Variants in TANC2 observed in about 807,000 individuals in gnomAD.
TANC2 encodes protein TANC2.
TANC2 carries 26 observed loss-of-function variants against 210.5 expected under a neutral mutation model. That is an observed-to-expected ratio of 0.12 (90% CI 0.09 to 0.17). The LOEUF (loss-of-function observed/expected upper bound fraction) is 0.17. Among genes scored for constraint, TANC2 ranks in the 10% least tolerant of loss-of-function variants. TANC2 has a pLI of 1.00. For missense variants in TANC2, 2,129 were observed against 2,608.9 expected, an observed-to-expected ratio of 0.82 and a Z score of 4.01; for synonymous variants, 931 against 967.1, an observed-to-expected ratio of 0.96 and a Z score of 0.69.
At chr17:63,362,465 G>C (rs1342318811) in intron 14 of TANC2, among the ~76,000 whole-genome samples, 1 of 152,186 alleles carries the variant, frequency 6.6e-6, no homozygotes, top group Non-Finnish European at 1.5e-5. Context: ...GAGCCTGTCT[G>C]CCTCCTGCCA....
chr17:63,400,791 GCAC>G (rs1343803893), intron 19 of TANC2, among the ~76,000 whole-genome samples: 1 of 151,098 alleles, frequency 6.6e-6, no homozygotes, highest in East Asian at 1.9e-4. Context: ...TTACAGGCGT[GCAC>G]CACCACACCT....
chr17:63,162,304 A>G (rs1250659425), intron 5 of TANC2, among the ~76,000 whole-genome samples: 4 of 68,248 alleles, frequency 5.9e-5, no homozygotes, highest in Admixed American at 1.4e-4. Context: ...CCCTGTCTGG[A>G]AAAAAAAAAA....
In TANC2 at chr17:63,420,580, C is replaced by G; in HGVS notation, c.4850C>G (p.Pro1617Arg). Reference sequence around the variant, plus strand: ...GGCAAAGAATACCCAAGCCCTCCCCCTTCCCCTCTCCGGAGAGGCCCTCAG... The same window carrying G: ...GGCAAAGAATACCCAAGCCCTCCCCGTTCCCCTCTCCGGAGAGGCCCTCAG... The change falls in exon 28 of 28, where the codon CCT becomes CGT. Residue 1617 changes from proline to arginine, a missense_variant. Pro to Arg is a moderately radical substitution (Grantham distance 103). Coordinates refer to ENST00000689528, the Ensembl canonical transcript of TANC2. The surrounding 1 kb of genome is among the most constrained non-coding windows in gnomAD (Gnocchi z 4.2). 3 of 1,613,904 alleles carry G rather than the reference C, an allele frequency of 1.9e-6. No individual in the cohort carries two copies. The highest frequency in any genetic ancestry group is 1.7e-6 in the Non-Finnish European group (2 of 1,179,836).
At chr17:63,194,061 G>C in exon 6 of TANC2, 1 of 1,613,290 alleles carries the variant, frequency 6.2e-7, no homozygotes, top group Non-Finnish European at 8.5e-7. Flanking sequence ...TGACTCGTCT[G>C]GGTTTCCTCC....
chr17:63,163,294 G>A (rs534990660), intron 5 of TANC2, among the ~76,000 whole-genome samples: 75 of 152,308 alleles, frequency 4.9e-4, no homozygotes, highest in African/African-American at 1.7e-3. Flanking sequence ...AACTATGGGA[G>A]TGGGTGACTG....
At chr17:63,071,558 G>T (rs1598352321) in intron 2 of TANC2, among the ~76,000 whole-genome samples, 2 of 152,102 alleles carry the variant, frequency 1.3e-5, no homozygotes, top group East Asian at 1.9e-4. Context: ...TCCTACTGAG[G>T]TACTTTATTT....
Position 63,421,339 on chromosome 17 carries a change from G to A in TANC2, c.5609G>A (p.Ser1870Asn), listed in dbSNP as rs1459875529. ...GTAGGCCTTCGCTTCTCTCCATCTAGCAATAGTATCTCCTCCACCTCCAAC... is the reference window on the plus strand; with the variant it reads ...GTAGGCCTTCGCTTCTCTCCATCTAACAATAGTATCTCCTCCACCTCCAAC... The change falls in exon 28 of 28, where the codon AGC becomes AAC. Residue 1870 changes from serine to asparagine, a missense_variant. Around this residue, in one of 5 missense-constraint regions of TANC2, gnomAD observed 584 missense variants for 627.3 expected, o/e 0.93. Coordinates refer to ENST00000689528, the Ensembl canonical transcript of TANC2. The surrounding 1 kb of genome is among the most constrained non-coding windows in gnomAD (Gnocchi z 6.9). 1.2e-6 allele frequency: 2 copies of A among 1,613,906 alleles called. No homozygotes were observed. The highest frequency in any genetic ancestry group is 2.7e-5 in the African/African-American group (2 of 74,922).
At chr17:63,341,962 A>G (rs2046242451) in intron 12 of TANC2, among the ~76,000 whole-genome samples, 1 of 152,072 alleles carries the variant, frequency 6.6e-6, no homozygotes, top group Non-Finnish European at 1.5e-5. Context: ...GTCCTCAAAT[A>G]CTTCCCTAGA....
At chr17:63,089,602 A>C (rs577823231) in intron 3 of TANC2, among the ~76,000 whole-genome samples, 2 of 152,236 alleles carry the variant, frequency 1.3e-5, no homozygotes, top group South Asian at 4.1e-4. Flanking sequence ...TTAGTTATTA[A>C]ACTTTCTCTG....
At chr17:63,365,942 T>C (rs2047097951) in intron 14 of TANC2, among the ~76,000 whole-genome samples, 1 of 152,154 alleles carries the variant, frequency 6.6e-6, no homozygotes, top group South Asian at 2.1e-4. Flanking sequence ...ATACTCGTTT[T>C]TGTCCACTTT....
At chr17:63,152,481 G>A (rs1055522084) in intron 5 of TANC2, 4 of 151,970 alleles carry the variant, frequency 2.6e-5, no homozygotes, top group Non-Finnish European at 5.9e-5. Flanking sequence ...GTATTGAAAC[G>A]GCTTCATCCA....
chr17:63,360,657 G>C (rs1313175815), intron 14 of TANC2, among the ~76,000 whole-genome samples: 2 of 152,078 alleles, frequency 1.3e-5, no homozygotes, highest in Admixed American at 1.3e-4. Context: ...TACTCTTTTA[G>C]TTATTTTTAA....
chr17:63,188,586 CA>C (rs1046526941), intron 5 of TANC2, among the ~76,000 whole-genome samples: 901 of 58,710 alleles, frequency 0.015, 3 homozygotes, highest in African/African-American at 0.043. Context: ...AGACTCTGTC[CA>C]AAAAAAAAAA....
At chr17:62,986,941 C>T (rs532454972) in intron 1 of TANC2, among the ~76,000 whole-genome samples, 1 of 152,172 alleles carries the variant, frequency 6.6e-6, no homozygotes, top group South Asian at 2.1e-4. Flanking sequence ...TTTCTGAGGC[C>T]CTGACTGCAG....
intron 14 of TANC2, among the ~76,000 whole-genome samples, chr17:63,364,896 T>C (rs1027943117): frequency 1.3e-5 from 2 of 152,172 alleles, no homozygotes; most frequent in African/African-American, 2.4e-5. Flanking sequence ...AAAATACATA[T>C]AGAGCTTTTT....
intron 9 of TANC2, among the ~76,000 whole-genome samples, chr17:63,285,924 C>T (rs1357677701): frequency 5.3e-5 from 8 of 151,848 alleles, no homozygotes; most frequent in African/African-American, 1.9e-4. Flanking sequence ...TGGTAAGAAC[C>T]CTCCTGAAAT....
intron 1 of TANC2, chr17:62,967,492 ATAAT>A (rs1391452448): frequency 6.6e-6 from 1 of 152,244 alleles, no homozygotes. Flanking sequence ...ATAAACAATG[ATAAT>A]TAACATTAGG....
intron 4 of TANC2, among the ~76,000 whole-genome samples, chr17:63,121,981 G>A (rs1055450138): frequency 4.6e-5 from 7 of 150,826 alleles, no homozygotes; most frequent in Non-Finnish European, 8.9e-5. Flanking sequence ...GGGGGGAGGG[G>A]GGAAGAGGGG....
intron 13 of TANC2, 132 bp from the exon 14 acceptor site, chr17:63,354,651 C>A (rs968908596): frequency 2.5e-6 from 3 of 1,181,712 alleles, no homozygotes; most frequent in Admixed American, 6.1e-5. Context: ...TTTTTGGATA[C>A]TAATACTTGA....
Sources: allele counts gnomAD v4.1 joint callset (sites outside exome capture counted in the v4.1 genomes callset), GRCh38; gene constraint gnomAD v4.1.1; regional missense constraint gnomAD v4.1.1; non-coding constraint Gnocchi (gnomAD v3.1); transcripts MANE v1.5; gene names NCBI Gene and HGNC (gene_info 2026-07-23, HGNC 2026-07-21).